RGS20: variants seen among roughly 807,000 people sequenced by gnomAD.
RGS20 encodes the protein gz-selective GTPase-activating protein.
RGS20 carries 30 observed loss-of-function variants against 33.6 expected under a neutral mutation model. The observed-to-expected ratio is 0.89, with a 90% confidence interval of 0.67 to 1.21. The LOEUF is 1.21. RGS20 is among the 50% of genes most tolerant of loss of function. The pLI, the probability that RGS20 is intolerant of heterozygous loss-of-function variation, is 0.00. For missense variants in RGS20, 472 were observed against 502.4 expected, an observed-to-expected ratio of 0.94 and a Z score of 0.58; for synonymous variants, 208 against 197.9, an observed-to-expected ratio of 1.05 and a Z score of -0.43.
Position 53,909,233 on chromosome 8 carries a change from A to G in RGS20, c.510+29631A>G, listed in dbSNP as rs867826037. On this transcript the variant is annotated intron_variant, in intron 2 of 5. Coordinates refer to ENST00000297313, the MANE Select transcript of RGS20 (RefSeq NM_170587.4). Reference sequence around the variant, plus strand: ...TGTATATATATATATATATATATATATATATATATATATATATATATACTT... The same window carrying G: ...TGTATATATATATATATATATATATGTATATATATATATATATATATACTT... 4.1e-3 allele frequency among the ~76,000 whole-genome samples: 529 copies of G among 128,010 alleles called. 16 individuals are homozygous for G. Among genetic ancestry groups the G allele is most frequent in the African/African-American group, 0.015 (485 of 31,526 alleles). The allele number at this position is 128,010 out of a possible 152,430, so 84.0% of individuals were successfully genotyped here.
rs989838199 is a variant in RGS20 at position 53,929,201 on chromosome 8, T to C, written c.511-10375T>C. 3.9e-5 allele frequency among the ~76,000 whole-genome samples: 6 copies of C among 152,228 alleles called. No homozygotes were observed. In the East Asian group the frequency reaches 1.2e-3, roughly 29 times the overall value. On this transcript the variant is annotated intron_variant, in intron 2 of 5. Transcript: ENST00000297313. ...AGAAGCAGGGTTTTGAGAAAACTTT[T>C]GAGGGTGAGGATGTGTTCACCATCT...
chr8:53,873,899 A>G (rs1812132628), intron 1 of RGS20, among the ~76,000 whole-genome samples: 1 of 152,234 alleles, frequency 6.6e-6, no homozygotes, highest in South Asian at 2.1e-4. Flanking sequence ...TGAGAAGTCA[A>G]TAGAAAGTCT....
At chr8:53,878,516 TAAG>T (rs1200689598) in intron 1 of RGS20, among the ~76,000 whole-genome samples, 2 of 152,030 alleles carry the variant, frequency 1.3e-5, no homozygotes, top group Non-Finnish European at 2.9e-5. Context: ...TTCCCGGGAA[TAAG>T]AAGGACACAT....
chr8:53,874,671 C>T (rs1181332686), intron 1 of RGS20, among the ~76,000 whole-genome samples: 4 of 152,188 alleles, frequency 2.6e-5, no homozygotes, highest in Non-Finnish European at 4.4e-5. Context: ...CTCTTCTTAG[C>T]CTCTGGTGGT....
chr8:53,958,784 C>T lies in RGS20; in HGVS notation c.*326C>T, dbSNP rs933712071. The T allele has an allele frequency of 6.4e-6, 1 of 156,472 alleles. No individual in the cohort carries two copies. The highest frequency in any genetic ancestry group is 2.4e-5 in the African/African-American group (1 of 41,620). 9.7% of individuals were successfully genotyped at this position (156,472 alleles called of 1,614,324 possible). ...CCCGGAGCAGGTACATCCACCAGAG[C>T]AAAGGGAACCACTTTTATTTTGCAT... On this transcript the variant is annotated 3_prime_UTR_variant, in exon 6 of 6. Coordinates refer to ENST00000297313, the MANE Select transcript of RGS20 (RefSeq NM_170587.4).
intron 2 of RGS20, among the ~76,000 whole-genome samples, chr8:53,896,417 T>C (rs1437177171): frequency 2.6e-5 from 4 of 152,192 alleles, no homozygotes; most frequent in East Asian, 3.8e-4. Context: ...AGAGGCAGAA[T>C]TGAGTAGTTG....
chr8:53,915,885 A>G (rs1813469565), intron 2 of RGS20, among the ~76,000 whole-genome samples: 1 of 152,182 alleles, frequency 6.6e-6, no homozygotes, highest in East Asian at 1.9e-4. Context: ...CCCACCTGAC[A>G]TATTTACTGA....
rs1166991377 is a variant in RGS20, at chr8:53,877,428, T to G, written c.166-1830T>G. On this transcript the variant is annotated intron_variant, in intron 1 of 5. Transcript: ENST00000297313. This position sits in a 1 kb window ranked among gnomAD's most constrained non-coding sequence, Gnocchi z 5.7. ...CTGCCCGGCGGAGGCCGAGCACGCT[T>G]GGCGGCAGCTGAGCCTCCACCCCAA... Among the ~76,000 whole-genome samples the G allele has an allele frequency of 6.6e-6, 1 of 152,184 alleles. No homozygotes were observed. The highest frequency in any genetic ancestry group is 1.5e-5 in the Non-Finnish European group (1 of 68,020).
intron 2 of RGS20, among the ~76,000 whole-genome samples, chr8:53,923,591 T>C (rs1158855261): frequency 6.6e-6 from 1 of 151,320 alleles, no homozygotes; most frequent in Non-Finnish European, 1.5e-5. Flanking sequence ...TGAGACTCTG[T>C]CTCAAAAAAA....
chr8:53,924,435 C>T (rs1451944865), intron 2 of RGS20, among the ~76,000 whole-genome samples: 1 of 151,838 alleles, frequency 6.6e-6, no homozygotes, highest in Non-Finnish European at 1.5e-5. Flanking sequence ...TGATCTACCC[C>T]CCTTGGCCTC....
In RGS20 at chr8:53,938,874, T is replaced by C. The variant is rs116054063; in HGVS notation, c.511-702T>C. Among the ~76,000 whole-genome samples, 172 of 152,260 alleles carry C rather than the reference T, an allele frequency of 1.1e-3. 1 individual carries two copies. Among genetic ancestry groups the C allele is most frequent in the African/African-American group, 3.9e-3 (162 of 41,564 alleles). On this transcript the variant is annotated intron_variant, in intron 2 of 5. Transcript: ENST00000297313. ...TTTGTGTCGTATGGCTTGGCCTCCA[T>C]TGAAGTAGGTGAGGGTGACCATCCC...
At chr8:53,855,035 C>CTA (rs773638343) in intron 1 of RGS20, among the ~76,000 whole-genome samples, 8 of 152,164 alleles carry the variant, frequency 5.3e-5, no homozygotes, top group Non-Finnish European at 8.8e-5. Flanking sequence ...AAGTCACACA[C>CTA]TATATATATG....
rs1366805510 is a variant in RGS20 at position 53,879,482 on chromosome 8, G to C, written c.390G>C (p.Leu130=). 1 of 1,568,294 alleles carries C rather than the reference G, an allele frequency of 6.4e-7. No individual in the cohort carries two copies. Among genetic ancestry groups the C allele is most frequent in the South Asian group, 1.2e-5 (1 of 85,780 alleles). ...AGCTGCCGGGCCGCCTCTCGCTCCT[G>C]CTCGGGGCGGCGCTGGCACTGCCCG... is the stretch of plus-strand genomic sequence containing the variant. The change falls in exon 2 of 6, where the codon CTG becomes CTC. Residue 130 remains leucine, a synonymous_variant. Coordinates refer to ENST00000297313, the MANE Select transcript of RGS20 (RefSeq NM_170587.4).
chr8:53,872,860 T>C (rs927016449), intron 1 of RGS20, among the ~76,000 whole-genome samples: 1 of 152,058 alleles, frequency 6.6e-6, no homozygotes, highest in Non-Finnish European at 1.5e-5. Context: ...TTTAGTAAAA[T>C]ATAAACAACA....
chr8:53,911,548 A>G (rs1301872652), intron 2 of RGS20, among the ~76,000 whole-genome samples: 1 of 123,404 alleles, frequency 8.1e-6, no homozygotes, highest in Non-Finnish European at 1.6e-5. Flanking sequence ...CTGAAAAAAT[A>G]TAAATTTAAA....
chr8:53,927,303 G>A (rs1813829266), intron 2 of RGS20, among the ~76,000 whole-genome samples: 1 of 149,182 alleles, frequency 6.7e-6, no homozygotes, highest in Non-Finnish European at 1.5e-5. Flanking sequence ...GGGCTCAAAC[G>A]ATCTTCTCAC....
intron 2 of RGS20, among the ~76,000 whole-genome samples, chr8:53,889,133 T>C (rs1812630415): frequency 6.6e-6 from 1 of 152,220 alleles, no homozygotes; most frequent in Admixed American, 6.5e-5. Flanking sequence ...AACTGTTTCA[T>C]AGTCCAAATC....
At chr8:53,860,900 G>A (rs927186727) in intron 1 of RGS20, among the ~76,000 whole-genome samples, 1 of 152,064 alleles carries the variant, frequency 6.6e-6, no homozygotes, top group Non-Finnish European at 1.5e-5. Context: ...CCAGGAGGCA[G>A]AGGCTACAGT....
intron 2 of RGS20, among the ~76,000 whole-genome samples, chr8:53,889,149 A>C (rs1326031444): frequency 6.6e-6 from 1 of 152,210 alleles, no homozygotes; most frequent in African/African-American, 2.4e-5. Flanking sequence ...AAATCAGTTT[A>C]CATCCATCCC....
Sources: gnomAD v4.1 joint callset for allele counts (sites outside exome capture counted in the v4.1 genomes callset) on GRCh38, gnomAD v4.1.1 for gene constraint, Gnocchi (gnomAD v3.1) non-coding constraint, MANE v1.5 for transcripts, NCBI Gene and HGNC (gene_info 2026-07-23, HGNC 2026-07-21) for gene names.